The following GABRG3 variants were observed in gnomAD, a reference collection of about 807,000 sequenced individuals.
The protein encoded by GABRG3 is gamma-aminobutyric acid type A receptor subunit gamma3, also known as gamma-aminobutyric acid receptor subunit gamma-3.
In GABRG3, 25 loss-of-function variants were observed where a neutral mutation model predicts 48.8. The ratio of observed to expected loss-of-function variants is 0.51; its 90% confidence interval spans 0.37 to 0.72. GABRG3 has a LOEUF of 0.72. Ranked by LOEUF, GABRG3 falls within the 30% of genes least tolerant of loss-of-function variation. The probability of loss-of-function intolerance (pLI) is 0.00; values close to 1 mark genes in which losing one functional copy is unlikely to be tolerated. For synonymous variants in GABRG3, 227 were observed against 217.6 expected (o/e 1.04, Z -0.38); for missense variants, 394 against 577.9 (o/e 0.68, Z 3.26).
At chr15:27,011,890 A>T (rs1301984120) in intron 2 of GABRG3, among the ~76,000 whole-genome samples, 1 of 151,898 alleles carries the variant, frequency 6.6e-6, no homozygotes, top group Non-Finnish European at 1.5e-5. Flanking sequence ...TCACCTCTGG[A>T]AAATTGAGGT....
At chr15:27,185,276 C>T (rs1248909158) in intron 3 of GABRG3, among the ~76,000 whole-genome samples, 1 of 152,084 alleles carries the variant, frequency 6.6e-6, no homozygotes, top group East Asian at 1.9e-4. Context: ...TTTCCTTTGA[C>T]ATATGTTCTT....
At chr15:27,143,072 T>G (rs208169) in intron 3 of GABRG3, among the ~76,000 whole-genome samples, 28,268 of 152,042 alleles carry the variant, frequency 0.19, 2,968 homozygotes, top group Admixed American at 0.25. Flanking sequence ...TTGGATTTAT[T>G]TATGTATTTA....
chr15:27,351,998 GTATA>G, intron 5 of GABRG3, among the ~76,000 whole-genome samples: 1 of 150,366 alleles, frequency 6.7e-6, no homozygotes, highest in East Asian at 2.0e-4. Context: ...GTGTGTGTGT[GTATA>G]TATGATGTGT....
At chr15:27,188,182 A>T (rs1888163141) in intron 3 of GABRG3, among the ~76,000 whole-genome samples, 1 of 152,198 alleles carries the variant, frequency 6.6e-6, no homozygotes, top group Non-Finnish European at 1.5e-5. Flanking sequence ...GTGCTGCAAG[A>T]AACATACGTG....
chr15:26,987,311 A>G (rs998120167), intron 2 of GABRG3, among the ~76,000 whole-genome samples: 1 of 152,200 alleles, frequency 6.6e-6, no homozygotes, highest in African/African-American at 2.4e-5. Context: ...GTTTATGAGT[A>G]CCGGAATAGA....
intron 3 of GABRG3, among the ~76,000 whole-genome samples, chr15:27,191,976 C>G (rs1378696420): frequency 1.3e-5 from 2 of 151,824 alleles, no homozygotes; most frequent in Non-Finnish European, 2.9e-5. Flanking sequence ...ATTTCTCCTT[C>G]ACTTATGAAG....
At chr15:27,064,434 G>C (rs759270830) in intron 3 of GABRG3, among the ~76,000 whole-genome samples, 6 of 152,260 alleles carry the variant, frequency 3.9e-5, no homozygotes, top group South Asian at 2.1e-4. Flanking sequence ...AATCTCACCC[G>C]TTCTCAGGAG....
chr15:27,213,360 G>A (rs1179244979), intron 3 of GABRG3, among the ~76,000 whole-genome samples: 1 of 152,192 alleles, frequency 6.6e-6, no homozygotes, highest in Non-Finnish European at 1.5e-5. Flanking sequence ...TCCTCATTCT[G>A]TAAAACAGAG....
chr15:27,443,305 C>CA (rs1269966571), intron 5 of GABRG3, among the ~76,000 whole-genome samples: 2 of 152,162 alleles, frequency 1.3e-5, no homozygotes, highest in East Asian at 3.9e-4. Flanking sequence ...ATTGAGAATT[C>CA]AAAAGCAATG....
intron 5 of GABRG3, among the ~76,000 whole-genome samples, chr15:27,398,237 G>A (rs1887373515): frequency 6.6e-6 from 1 of 152,152 alleles, no homozygotes; most frequent in African/African-American, 2.4e-5. Flanking sequence ...AACAGTTTCT[G>A]GATGGCAAGG....
At position 27,183,963 on chromosome 15, in the gene GABRG3, C is replaced by G. The variant is rs73373496; in HGVS notation, c.271-142846C>G. Among the ~76,000 whole-genome samples the G allele has an allele frequency of 8.5e-3, 1,291 of 152,288 alleles. 16 individuals carry two copies. Among genetic ancestry groups the G allele is most frequent in the African/African-American group, 0.03 (1,246 of 41,550 alleles). ...CCTCTACCATTCTGAGTAATTAACT[C>G]TTACCTGGGGTAACAAAAGACATTA... On this transcript the variant is annotated intron_variant, in intron 3 of 9. Coordinates refer to ENST00000615808, the MANE Select transcript of GABRG3 (RefSeq NM_033223.5).
intron 2 of GABRG3, among the ~76,000 whole-genome samples, chr15:26,997,541 C>T (rs2140652968): frequency 6.6e-6 from 1 of 152,128 alleles, no homozygotes; most frequent in East Asian, 1.9e-4. Context: ...TGTATTAATC[C>T]CAAGAAGTCT....
At chr15:27,444,981 C>T (rs1277332189) in intron 5 of GABRG3, among the ~76,000 whole-genome samples, 1 of 152,110 alleles carries the variant, frequency 6.6e-6, no homozygotes, top group African/African-American at 2.4e-5. Flanking sequence ...AAGCAATTCT[C>T]CTGCCTCAGC....
At chr15:27,292,356 C>G (rs1291394147) in intron 3 of GABRG3, among the ~76,000 whole-genome samples, 2 of 151,578 alleles carry the variant, frequency 1.3e-5, no homozygotes, top group Non-Finnish European at 2.9e-5. Flanking sequence ...TGCAGCAAAC[C>G]ACCATGGCAC....
At chr15:27,032,311 C>G (rs756012555) in intron 3 of GABRG3, among the ~76,000 whole-genome samples, 1 of 152,192 alleles carries the variant, frequency 6.6e-6, no homozygotes. Context: ...GTCCCTTCTG[C>G]CATCTCTGGT....
intron 5 of GABRG3, among the ~76,000 whole-genome samples, chr15:27,411,710 G>T (rs1051311420): frequency 6.6e-6 from 1 of 152,012 alleles, no homozygotes; most frequent in Non-Finnish European, 1.5e-5. Flanking sequence ...GTTGCCATAG[G>T]ATTTACAATA....
In GABRG3 at chr15:27,191,613, T is replaced by A. The variant is rs368558994; in HGVS notation, c.271-135196T>A. ...CATCCTTTTATTTTGAGCCTATGTG[T>A]GTCTCTGCATGTGAGATGGGTTTCC... is the stretch of plus-strand genomic sequence containing the variant. On this transcript the variant is annotated intron_variant, in intron 3 of 9. Transcript: ENST00000615808. Among the ~76,000 whole-genome samples, 6 of 152,216 alleles carry A rather than the reference T, an allele frequency of 3.9e-5. No homozygotes were observed. The East Asian group carries it at 5.8e-4, about 15-fold the overall frequency.
At chr15:27,402,981 C>T (rs914371438) in intron 5 of GABRG3, among the ~76,000 whole-genome samples, 7 of 152,024 alleles carry the variant, frequency 4.6e-5, no homozygotes, top group South Asian at 2.1e-4. Context: ...TCTTGTGGTC[C>T]GGCCTATTTG....
chr15:26,986,787 G>A (rs946288618), intron 2 of GABRG3, among the ~76,000 whole-genome samples: 14 of 152,076 alleles, frequency 9.2e-5, no homozygotes, highest in Admixed American at 2.6e-4. Flanking sequence ...AATAACAAAT[G>A]ATCTGTTTCT....
Sources: gnomAD v4.1 joint callset for allele counts (sites outside exome capture counted in the v4.1 genomes callset) on GRCh38, gnomAD v4.1.1 for gene constraint, MANE v1.5 for transcripts, NCBI Gene and HGNC (gene_info 2026-07-23, HGNC 2026-07-21) for gene names.